Variants in EHMT2 observed in about 807,000 individuals in gnomAD.
EHMT2 encodes euchromatic histone lysine methyltransferase 2.
A neutral mutation model predicts 143.3 loss-of-function variants in EHMT2; 59 were observed. The ratio of observed to expected loss-of-function variants is 0.41; its 90% CI spans 0.33 to 0.51. EHMT2 has a LOEUF of 0.51. Ranked by LOEUF, EHMT2 falls within the 20% of genes least tolerant of loss-of-function variation. The pLI is 0.18. For synonymous variants in EHMT2, 604 were observed against 651.5 expected, an observed-to-expected ratio of 0.93 and a Z score of 1.11; for missense variants, 1,174 against 1,645.9, an observed-to-expected ratio of 0.71 and a Z score of 4.96.
chr6:31,893,063 A>G, intron 4 of EHMT2, 153 bp from the exon 5 acceptor site: 1 of 587,256 alleles, frequency 1.7e-6, no homozygotes, highest in Non-Finnish European at 3.0e-6. Context: ...CACGGGTGCT[A>G]TTTCCTCAGA....
rs1765231621 is a variant in EHMT2, at chr6:31,888,610, C to T, written c.1354G>A (p.Val452Met). Residue 452 changes from valine to methionine, a missense_variant, in exon 11 of 28, where the codon GTG becomes ATG. By Grantham distance (21) the Val-to-Met change is conservative. This residue lies in a region of EHMT2 where 608 missense variants were observed against 903.7 expected (regional missense o/e 0.67). Coordinates refer to ENST00000375537, the Ensembl canonical transcript of EHMT2. The surrounding 1 kb of genome is among the most constrained non-coding windows in gnomAD (Gnocchi z 7.4). ...GCCCACGGCCCCACCTCTCCGTCCACACTCTCAGTGGCCATGCACTTGTGC... is the reference window on the plus strand; with the variant it reads ...GCCCACGGCCCCACCTCTCCGTCCATACTCTCAGTGGCCATGCACTTGTGC... The T allele has an allele frequency of 6.2e-7, 1 of 1,613,082 alleles. No homozygotes were observed. Among genetic ancestry groups the T allele is most frequent in the East Asian group, 2.2e-5 (1 of 44,878 alleles).
exon 28 of EHMT2, chr6:31,879,982 G>A (rs1401896742): frequency 4.5e-6 from 6 of 1,325,148 alleles, no homozygotes; most frequent in Non-Finnish European, 6.3e-6. Flanking sequence ...GGTGGGGAGA[G>A]AAGATGGCAG....
At position 31,881,369 on chromosome 6, in the gene EHMT2, T is replaced by C; in HGVS notation, c.3198-277A>G. On this transcript the variant is annotated intron_variant, in intron 25 of 27. Transcript: ENST00000375537. The surrounding 1 kb of genome is among the most constrained non-coding windows in gnomAD (Gnocchi z 4.8). ...TTGGCCTGGGTGGGGAAGTTCGGGT[T>C]TGGACACAGAGAGGTTTGTGTTCCA... 1.8e-6 allele frequency: 1 copy of C among 555,828 alleles called. No individual in the cohort carries two copies. 34.4% of individuals were successfully genotyped at this position (555,828 alleles called of 1,614,324 possible). A position where few individuals can be genotyped will look rare whatever the true frequency, so the allele number is the denominator to read the frequency against.
At position 31,888,668 on chromosome 6, in the gene EHMT2, T is replaced by C; in HGVS notation, c.1296A>G (p.Ala432=). ...TCTCGCTGATGCGGTCAATCTTGGG[T>C]GCCTCCATGCGGCAGCTGCACAGGG... Residue 432 remains alanine, a synonymous_variant, in exon 11 of 28, where the codon GCA becomes GCG. Transcript: ENST00000375537. The surrounding 1 kb of genome is among the most constrained non-coding windows in gnomAD (Gnocchi z 7.4). 1 of 1,613,824 alleles carries C rather than the reference T, an allele frequency of 6.2e-7. No homozygotes were observed. Among genetic ancestry groups the C allele is most frequent in the Non-Finnish European group, 8.5e-7 (1 of 1,180,016 alleles).
chr6:31,894,612 G>GT (rs1174847046), intron 4 of EHMT2, among the ~76,000 whole-genome samples: 1 of 152,054 alleles, frequency 6.6e-6, no homozygotes, highest in East Asian at 1.9e-4. Flanking sequence ...TAAATTTTAC[G>GT]TGACACTAGT....
Position 31,883,932 on chromosome 6 carries a change from A to C in EHMT2, c.2790T>G (p.Tyr930Ter). 1 of 1,613,790 alleles carries C rather than the reference A, an allele frequency of 6.2e-7. No individual in the cohort carries two copies. Among genetic ancestry groups the C allele is most frequent in the Non-Finnish European group, 8.5e-7 (1 of 1,179,894 alleles). ...TGACACAGGGAATGGGCACGTTCTC[A>C]TAGCCCCGAGCCACGTCCCTGCAGA... Residue 930 changes from tyrosine (Y) to a stop codon, truncating the protein, a stop_gained, in exon 22 of 28, where the codon TAT (tyrosine) becomes TAG (stop). Transcript: ENST00000375537. LOFTEE classifies it high-confidence loss of function. The surrounding 1 kb of genome is among the most constrained non-coding windows in gnomAD (Gnocchi z 5.6).
At position 31,889,013 on chromosome 6, in the gene EHMT2, G is replaced by T; in HGVS notation, c.1172C>A (p.Ser391Tyr). The change falls in exon 10 of 28, where the codon TCC (serine) becomes TAC (tyrosine). Residue 391 changes from serine (S) to tyrosine (Y), a missense_variant. Transcript: ENST00000375537. This position sits in a 1 kb window ranked among gnomAD's most constrained non-coding sequence, Gnocchi z 5.1. Reference sequence around the variant, plus strand: ...GGTCCCCTCGCTGGGCAGCTCCAGGGACCCCAGAGGGACCTCCATGTACTC... The same window carrying T: ...GGTCCCCTCGCTGGGCAGCTCCAGGTACCCCAGAGGGACCTCCATGTACTC... 1 of 1,601,166 alleles carries T rather than the reference G, an allele frequency of 6.2e-7. No homozygotes were observed. Among genetic ancestry groups the T allele is most frequent in the South Asian group, 1.1e-5 (1 of 88,558 alleles).
intron 4 of EHMT2, 176 bp downstream of exon 4, chr6:31,896,087 G>A (rs766880094): frequency 4.5e-5 from 37 of 819,838 alleles, no homozygotes; most frequent in Non-Finnish European, 6.0e-5. Context: ...GTAAACTGCA[G>A]GAAGAGAGGA....
chr6:31,886,641 G>A (rs143160804), exon 18 of EHMT2: 3 of 1,613,782 alleles, frequency 1.9e-6, no homozygotes, highest in African/African-American at 1.3e-5. Context: ...CCAAGTTCCC[G>A]ATTTTGGCTG....
Position 31,880,982 on chromosome 6 carries a change from G to A in EHMT2, c.3276+32C>T. 1 of 1,610,750 alleles carries A rather than the reference G, an allele frequency of 6.2e-7. No homozygotes were observed. Among genetic ancestry groups the A allele is most frequent in the Non-Finnish European group, 8.5e-7 (1 of 1,178,104 alleles). Reference sequence around the variant, plus strand: ...GAGGCTCCTGAAAGCCAGCCCTGGGGAGCAGCAGGGTAAGGAGGGTCTCCT... The same window carrying A: ...GAGGCTCCTGAAAGCCAGCCCTGGGAAGCAGCAGGGTAAGGAGGGTCTCCT... On this transcript the variant is annotated intron_variant, in intron 26 of 27. Transcript: ENST00000375537. This position sits in a 1 kb window ranked among gnomAD's most constrained non-coding sequence, Gnocchi z 6.6.
At position 31,883,047 on chromosome 6, in the gene EHMT2, G is replaced by A; in HGVS notation, c.2995-38C>T. The A allele has an allele frequency of 6.3e-7, 1 of 1,582,832 alleles. No individual in the cohort carries two copies. Among genetic ancestry groups the A allele is most frequent in the Non-Finnish European group, 8.6e-7 (1 of 1,156,072 alleles). On this transcript the variant is annotated intron_variant, in intron 23 of 27. Transcript: ENST00000375537. The surrounding 1 kb of genome is among the most constrained non-coding windows in gnomAD (Gnocchi z 5.6). ...GGGGAGGATAGTGGTTTCTCTGTGG[G>A]GCCCACCTCAGCTGCCCACCCAGGA...
At position 31,883,151 on chromosome 6, in the gene EHMT2, A is replaced by C. The variant is rs1354183718; in HGVS notation, c.2995-142T>G. 9.3e-6 allele frequency: 8 copies of C among 863,374 alleles called. No homozygotes were observed. The East Asian group carries it at 2.1e-4, about 23-fold the overall frequency. 53.5% of individuals were successfully genotyped at this position (863,374 alleles called of 1,614,324 possible). On this transcript the variant is annotated intron_variant, in intron 23 of 27. Coordinates refer to ENST00000375537, the Ensembl canonical transcript of EHMT2. This position sits in a 1 kb window ranked among gnomAD's most constrained non-coding sequence, Gnocchi z 5.6. ...TCTGAGATCCGAGAGCACGAAATGCAGGAGCATCATCCCTGGTTTGCATAG... is the reference window on the plus strand; with the variant it reads ...TCTGAGATCCGAGAGCACGAAATGCCGGAGCATCATCCCTGGTTTGCATAG...
chr6:31,884,246 A>C lies in EHMT2; in HGVS notation c.2771+146T>G. On this transcript the variant is annotated intron_variant, in intron 21 of 27. Coordinates refer to ENST00000375537, the Ensembl canonical transcript of EHMT2. The surrounding 1 kb of genome is among the most constrained non-coding windows in gnomAD (Gnocchi z 7.3). ...TTTATTTGCTGTATCTGGCAACCCT[A>C]GTGGGGAGGGGGCCTGTGGGTGGTT... 1 of 912,966 alleles carries C rather than the reference A, an allele frequency of 1.1e-6. No homozygotes were observed. The allele number at this position is 912,966 out of a possible 1,614,324, so 56.6% of individuals were successfully genotyped here.
rs1476313836 is a variant in EHMT2, at chr6:31,896,758, A to C, written c.176T>G (p.Leu59Arg). The change falls in exon 3 of 28, where the codon CTG becomes CGG. Residue 59 changes from leucine (L) to arginine (R), a missense_variant. Leu to Arg is a moderately radical substitution (Grantham distance 102). Coordinates refer to ENST00000375537, the Ensembl canonical transcript of EHMT2. Reference sequence around the variant, plus strand: ...TGGAGATGAGGGGCCAGCAGGCTCCAGGGAGTCGGGGGTGGCCTTGGGCAG... The same window carrying C: ...TGGAGATGAGGGGCCAGCAGGCTCCCGGGAGTCGGGGGTGGCCTTGGGCAG... The C allele has an allele frequency of 3.1e-6, 5 of 1,613,018 alleles. No homozygotes were observed. Among genetic ancestry groups the C allele is most frequent in the Non-Finnish European group, 4.2e-6 (5 of 1,179,994 alleles).
chr6:31,883,285 C>T lies in EHMT2; in HGVS notation c.2994+77G>A. On this transcript the variant is annotated intron_variant, in intron 23 of 27. Transcript: ENST00000375537. This position sits in a 1 kb window ranked among gnomAD's most constrained non-coding sequence, Gnocchi z 5.6. Reference sequence around the variant, plus strand: ...GGGTAGGAGGTGAGGGACATGGTCCCAGGGAGCTGGTTTATTGGAGGCTGG... The same window carrying T: ...GGGTAGGAGGTGAGGGACATGGTCCTAGGGAGCTGGTTTATTGGAGGCTGG... 6.9e-7 allele frequency: 1 copy of T among 1,449,454 alleles called. No individual in the cohort carries two copies. The highest frequency in any genetic ancestry group is 9.6e-7 in the Non-Finnish European group (1 of 1,040,940). The allele number at this position is 1,449,454 out of a possible 1,614,324, so 89.8% of individuals were successfully genotyped here. A position where few individuals can be genotyped will look rare whatever the true frequency, so the allele number is the denominator to read the frequency against.
intron 1 of EHMT2, 48 bp from the exon 2 acceptor site, chr6:31,897,037 G>A (rs1373334094): frequency 6.6e-7 from 1 of 1,520,180 alleles, no homozygotes; most frequent in East Asian, 2.3e-5. Flanking sequence ...CCAGTAGAGA[G>A]TTGGGGGGTC....
Position 31,893,317 on chromosome 6 carries a change from A to G in EHMT2, c.583-407T>C, listed in dbSNP as rs767454498. 9.0e-6 allele frequency: 4 copies of G among 442,750 alleles called. No homozygotes were observed. The East Asian group carries it at 2.6e-4, about 29-fold the overall frequency. 27.4% of individuals were successfully genotyped at this position (442,750 alleles called of 1,614,324 possible). ...AATGGAATAACATTCAGCCATAAAAAGGAAAGATATACTTTTTTTAAGAGA... is the reference window on the plus strand; with the variant it reads ...AATGGAATAACATTCAGCCATAAAAGGGAAAGATATACTTTTTTTAAGAGA... On this transcript the variant is annotated intron_variant, in intron 4 of 27. Coordinates refer to ENST00000375537, the Ensembl canonical transcript of EHMT2.
Position 31,880,187 on chromosome 6 carries a change from T to C in EHMT2, c.3530A>G (p.His1177Arg). ...CTCCAGGGCAATGGCTTCGGCTGAG[T>C]GCTTGCACTTCTCAGAGCCACATTG... Residue 1177 changes from histidine (H) to arginine (R), a missense_variant, in exon 28 of 28, where the codon CAC (histidine) becomes CGC (arginine). His to Arg is a conservative substitution (Grantham distance 29, BLOSUM62 0). Coordinates refer to ENST00000375537, the Ensembl canonical transcript of EHMT2. The surrounding 1 kb of genome is among the most constrained non-coding windows in gnomAD (Gnocchi z 6.6). 6.2e-7 allele frequency: 1 copy of C among 1,612,926 alleles called. No individual in the cohort carries two copies. The highest frequency in any genetic ancestry group is 2.2e-5 in the East Asian group (1 of 44,888).
chr6:31,893,495 A>ATTT, intron 4 of EHMT2: 1 of 298,508 alleles, frequency 3.3e-6, no homozygotes, highest in Non-Finnish European at 6.7e-6. Flanking sequence ...TGTCTTCTTA[A>ATTT]TTTTTTTTTT....
Sources: gnomAD v4.1 joint callset for allele counts (sites outside exome capture counted in the v4.1 genomes callset) on GRCh38, gnomAD v4.1.1 for gene constraint, gnomAD v4.1.1 regional missense constraint, Gnocchi (gnomAD v3.1) non-coding constraint, MANE v1.5 for transcripts, NCBI Gene and HGNC (gene_info 2026-07-23, HGNC 2026-07-21) for gene names.